Variants in SLC9A9 observed in about 807,000 individuals in gnomAD.
The protein encoded by SLC9A9 is sodium/hydrogen exchanger 9.
Under a neutral mutation model 77.8 loss-of-function variants are expected in SLC9A9, and 62 were observed. That is an observed-to-expected ratio of 0.80 (90% confidence interval 0.65 to 0.98). SLC9A9 has a LOEUF of 0.98. SLC9A9 is among the 50% of genes least tolerant of loss of function. The probability of loss-of-function intolerance (pLI) is 0.00; values close to 1 mark genes in which losing one functional copy is unlikely to be tolerated. For missense variants in SLC9A9, 775 were observed against 774.9 expected (o/e 1.00, Z 0.00); for synonymous variants, 320 against 283.5 (o/e 1.13, Z -1.29).
At chr3:143,395,226 G>A (rs1348697367) in intron 12 of SLC9A9, among the ~76,000 whole-genome samples, 5 of 152,238 alleles carry the variant, frequency 3.3e-5, no homozygotes, top group African/African-American at 9.6e-5. Flanking sequence ...AACCAAAACA[G>A]CATGGTACTG....
chr3:143,807,626 TC>T (rs1406741206), intron 2 of SLC9A9, among the ~76,000 whole-genome samples: 2 of 152,212 alleles, frequency 1.3e-5, no homozygotes, highest in African/African-American at 2.4e-5. Context: ...ATGCCTGTAA[TC>T]CCAGCTACTT....
intron 11 of SLC9A9, among the ~76,000 whole-genome samples, chr3:143,479,426 T>A (rs80333583): frequency 0.016 from 1,851 of 118,848 alleles, 32 homozygotes; most frequent in African/African-American, 0.053. Flanking sequence ...TAAAAAAAAA[T>A]TTTTTTTGTA....
chr3:143,761,326 G>A (rs1435540054), intron 4 of SLC9A9, among the ~76,000 whole-genome samples: 3 of 152,106 alleles, frequency 2.0e-5, no homozygotes, highest in Non-Finnish European at 4.4e-5. Flanking sequence ...GGCAACAAAA[G>A]CCAAAATTGG....
intron 6 of SLC9A9, among the ~76,000 whole-genome samples, chr3:143,592,570 T>C (rs2037669783): frequency 6.6e-6 from 1 of 152,190 alleles, no homozygotes; most frequent in African/African-American, 2.4e-5. Context: ...TCCTGATGCC[T>C]AAGTATATGT....
chr3:143,818,532 C>A (rs1013932761), intron 2 of SLC9A9, among the ~76,000 whole-genome samples: 2 of 151,956 alleles, frequency 1.3e-5, no homozygotes, highest in Admixed American at 1.3e-4. Flanking sequence ...GTCATGAACT[C>A]CTGACCTCAA....
At chr3:143,731,325 C>T (rs1196508180) in intron 4 of SLC9A9, among the ~76,000 whole-genome samples, 1 of 152,212 alleles carries the variant, frequency 6.6e-6, no homozygotes, top group Non-Finnish European at 1.5e-5. Context: ...AGTTCCCAAC[C>T]AGTTCACCTA....
intron 12 of SLC9A9, among the ~76,000 whole-genome samples, chr3:143,450,306 T>C (rs2034982794): frequency 6.8e-6 from 1 of 147,684 alleles, no homozygotes; most frequent in Admixed American, 6.9e-5. Context: ...TTTAAATAAA[T>C]AATTTTTATA....
At chr3:143,788,208 A>G (rs1576726356) in intron 4 of SLC9A9, among the ~76,000 whole-genome samples, 2 of 152,126 alleles carry the variant, frequency 1.3e-5, no homozygotes, top group Non-Finnish European at 2.9e-5. Context: ...ACTTTGTATC[A>G]TATAAAAAAT....
chr3:143,728,394 G>C (rs1410486700), intron 4 of SLC9A9, among the ~76,000 whole-genome samples: 3 of 152,114 alleles, frequency 2.0e-5, no homozygotes, highest in Non-Finnish European at 2.9e-5. Context: ...TCCATGCAGG[G>C]AGAGTGGATG....
chr3:143,427,319 C>G (rs912065301), intron 12 of SLC9A9, among the ~76,000 whole-genome samples: 6 of 152,106 alleles, frequency 3.9e-5, no homozygotes, highest in Admixed American at 3.3e-4. Context: ...AGAAATGATA[C>G]CAGTATATTT....
At chr3:143,517,873 C>T in intron 9 of SLC9A9, 1 of 1,571,730 alleles carries the variant, frequency 6.4e-7, no homozygotes, top group East Asian at 2.2e-5. Flanking sequence ...CAATAGCAGC[C>T]ACTTTTTAAT....
chr3:143,285,578 A>G (rs74624457), intron 14 of SLC9A9, among the ~76,000 whole-genome samples: 65 of 152,180 alleles, frequency 4.3e-4, no homozygotes, highest in African/African-American at 1.5e-3. Flanking sequence ...TAGGCTTGAA[A>G]AGAGTTTACA....
chr3:143,564,083 T>C (rs974418013), intron 8 of SLC9A9, among the ~76,000 whole-genome samples: 1 of 152,234 alleles, frequency 6.6e-6, no homozygotes, highest in African/African-American at 2.4e-5. Flanking sequence ...TTATGTGCTT[T>C]GAAAAGAGAA....
intron 5 of SLC9A9, chr3:143,655,466 C>T (rs957675955): frequency 6.1e-6 from 6 of 985,150 alleles, no homozygotes; most frequent in Admixed American, 6.2e-5. Flanking sequence ...TTTTATCAGA[C>T]AATTTGGTCA....
At chr3:143,800,851 C>G (rs2008532027) in intron 2 of SLC9A9, among the ~76,000 whole-genome samples, 1 of 152,200 alleles carries the variant, frequency 6.6e-6, no homozygotes, top group Admixed American at 6.5e-5. Context: ...CCCTCCAAAG[C>G]TCAAATTTCT....
At chr3:143,738,804 A>C (rs1935004127) in intron 4 of SLC9A9, among the ~76,000 whole-genome samples, 1 of 152,200 alleles carries the variant, frequency 6.6e-6, no homozygotes, top group Non-Finnish European at 1.5e-5. Context: ...CGTTACTTAC[A>C]ATGACTTGTT....
At chr3:143,533,773 C>A (rs1479752067) in intron 9 of SLC9A9, among the ~76,000 whole-genome samples, 1 of 152,162 alleles carries the variant, frequency 6.6e-6, no homozygotes, top group Non-Finnish European at 1.5e-5. Flanking sequence ...AGTGAAATGG[C>A]ATTTCTTTGT....
In SLC9A9 at chr3:143,412,889, T is replaced by C. The variant is rs533756637; in HGVS notation, c.1470-30775A>G. On this transcript the variant is annotated intron_variant, in intron 12 of 15. Transcript: ENST00000316549. ...CAGGCTTTGTAGCAGGAATTGACAA[T>C]GGCAAGCAGTTACACTGGATATTAG... Among the ~76,000 whole-genome samples the C allele has an allele frequency of 2.6e-3, 401 of 152,246 alleles. 3 individuals are homozygous for C. Among genetic ancestry groups the C allele is most frequent in the African/African-American group, 9.3e-3 (386 of 41,540 alleles).
At chr3:143,425,340 T>G (rs150706283) in intron 12 of SLC9A9, among the ~76,000 whole-genome samples, 15 of 146,898 alleles carry the variant, frequency 1.0e-4, no homozygotes, top group African/African-American at 3.5e-4. Context: ...AACCTGGGCA[T>G]CAGGATGAAG....
Sources: allele counts gnomAD v4.1 joint callset (sites outside exome capture counted in the v4.1 genomes callset), GRCh38; gene constraint gnomAD v4.1.1; transcripts MANE v1.5; gene names NCBI Gene and HGNC (gene_info 2026-07-23, HGNC 2026-07-21).